The following COQ10B variants were observed in gnomAD, a reference collection of about 807,000 sequenced individuals.
COQ10B encodes the protein coenzyme Q-binding protein COQ10 homolog B, mitochondrial.
In COQ10B, 12 loss-of-function variants were observed where a neutral mutation model predicts 27.6. That is an observed-to-expected ratio of 0.43 (90% CI 0.28 to 0.70). COQ10B has a LOEUF of 0.70. Among genes scored for constraint, COQ10B ranks in the 30% least tolerant of loss-of-function variants. The pLI, the probability that COQ10B is intolerant of heterozygous loss-of-function variation, is 0.17. For missense variants in COQ10B, 278 were observed against 288.7 expected (o/e 0.96, Z 0.27); for synonymous variants, 115 against 103.0 (o/e 1.12, Z -0.71).
intron 2 of COQ10B, 101 bp downstream of exon 2, chr2:197,460,182 A>AAGCTCTCTTTT (rs1362139229): frequency 5.1e-6 from 4 of 782,726 alleles, no homozygotes; most frequent in African/African-American, 1.9e-5. Context: ...CTTACAGACT[A>AAGCTCTCTTTT]AGCTCTCTTT....
At chr2:197,469,590 T>C (rs1333645790) in intron 3 of COQ10B, among the ~76,000 whole-genome samples, 2 of 152,196 alleles carry the variant, frequency 1.3e-5, no homozygotes, top group Non-Finnish European at 2.9e-5. Context: ...GGAAAGACTA[T>C]ACGTGATTAA....
At chr2:197,464,437 GTGCAGCTA>G (rs1320679966) in intron 3 of COQ10B, among the ~76,000 whole-genome samples, 4 of 152,024 alleles carry the variant, frequency 2.6e-5, no homozygotes, top group Non-Finnish European at 1.5e-5. Flanking sequence ...GCTCTTTCTG[GTGCAGCTA>G]GAAAGAAAGA....
rs141467425 is a variant in COQ10B at position 197,473,890 on chromosome 2, G to A, written c.683G>A (p.Arg228Gln). The change falls in exon 5 of 5, where the codon CGG becomes CAG. Residue 228 changes from arginine to glutamine, a missense_variant. Transcript: ENST00000263960. The part of the protein sequence containing the change: ...KLYGPETNIP[R>Q]ELMLHEVHHT ...TATGGTCCAGAAACAAATATACCTCGGGAGTTAATGCTTCATGAAGTCCAT... is the reference window on the plus strand; with the variant it reads ...TATGGTCCAGAAACAAATATACCTCAGGAGTTAATGCTTCATGAAGTCCAT... 2.3e-5 allele frequency: 37 copies of A among 1,580,200 alleles called. No homozygotes were observed. In the African/African-American group the frequency reaches 3.0e-4, roughly 13 times the overall value.
At chr2:197,464,024 CACATACAT>C (rs1382952862) in intron 3 of COQ10B, among the ~76,000 whole-genome samples, 1 of 110,002 alleles carries the variant, frequency 9.1e-6, no homozygotes, top group Non-Finnish European at 1.8e-5. Context: ...CACACACACA[CACATACAT>C]ACACACACAT....
intron 4 of COQ10B, among the ~76,000 whole-genome samples, chr2:197,473,236 C>G (rs1372570308): frequency 2.6e-5 from 4 of 151,196 alleles, no homozygotes; most frequent in Admixed American, 6.6e-5. Flanking sequence ...ACACCACTGT[C>G]CTAAGTGGAG....
At chr2:197,466,677 A>G (rs2085827476) in intron 3 of COQ10B, among the ~76,000 whole-genome samples, 1 of 152,214 alleles carries the variant, frequency 6.6e-6, no homozygotes, top group Non-Finnish European at 1.5e-5. Context: ...GATAAACTGT[A>G]TTAGAAAAAA....
intron 3 of COQ10B, among the ~76,000 whole-genome samples, chr2:197,469,218 G>A (rs1410960341): frequency 1.3e-5 from 2 of 151,496 alleles, no homozygotes; most frequent in African/African-American, 4.9e-5. Context: ...AATTTTTTTC[G>A]AAGAGACAGG....
chr2:197,465,381 C>T (rs1211135757), intron 3 of COQ10B, among the ~76,000 whole-genome samples: 2 of 151,700 alleles, frequency 1.3e-5, no homozygotes, highest in Non-Finnish European at 2.9e-5. Flanking sequence ...CCTCTGCCTC[C>T]CGGATTCAAG....
At chr2:197,468,957 TG>T (rs1330674512) in intron 3 of COQ10B, among the ~76,000 whole-genome samples, 1 of 152,206 alleles carries the variant, frequency 6.6e-6, no homozygotes, top group Non-Finnish European at 1.5e-5. Flanking sequence ...CTAGTAACTA[TG>T]GTTCTGGTTA....
At chr2:197,454,942 A>G (rs2085680482) in intron 1 of COQ10B, among the ~76,000 whole-genome samples, 1 of 152,132 alleles carries the variant, frequency 6.6e-6, no homozygotes, top group Admixed American at 6.6e-5. Context: ...AACTGTATAT[A>G]TGAATGTGTG....
At chr2:197,461,691 C>T (rs1274603080) in intron 2 of COQ10B, among the ~76,000 whole-genome samples, 1 of 151,374 alleles carries the variant, frequency 6.6e-6, no homozygotes, top group Non-Finnish European at 1.5e-5. Flanking sequence ...CTCTATAGCC[C>T]AGGCTGTGGC....
At chr2:197,473,512 A>G (rs569630720) in intron 4 of COQ10B, among the ~76,000 whole-genome samples, 6 of 144,046 alleles carry the variant, frequency 4.2e-5, no homozygotes, top group Non-Finnish European at 7.5e-5. Flanking sequence ...ATATACGTAT[A>G]TATATACACA....
At chr2:197,471,498 CT>C (rs2085876925) in intron 4 of COQ10B, among the ~76,000 whole-genome samples, 2 of 152,112 alleles carry the variant, frequency 1.3e-5, no homozygotes, top group Admixed American at 1.3e-4. Flanking sequence ...CAATTTGTGG[CT>C]TTTTCTTTGC....
At chr2:197,469,732 C>T (rs565406528) in intron 3 of COQ10B, among the ~76,000 whole-genome samples, 2 of 152,272 alleles carry the variant, frequency 1.3e-5, no homozygotes, top group East Asian at 3.9e-4. Context: ...AACTTGTTCA[C>T]GATCACTTAT....
intron 3 of COQ10B, among the ~76,000 whole-genome samples, chr2:197,465,849 G>A (rs1415338068): frequency 6.6e-6 from 1 of 152,106 alleles, no homozygotes; most frequent in Non-Finnish European, 1.5e-5. Context: ...ACTTTGGGAG[G>A]CTGAGGCCGA....
At chr2:197,469,141 C>A (rs1369288282) in intron 3 of COQ10B, among the ~76,000 whole-genome samples, 2 of 152,130 alleles carry the variant, frequency 1.3e-5, no homozygotes, top group Non-Finnish European at 2.9e-5. Flanking sequence ...CTCAAGCAGT[C>A]CCCTCACCTC....
intron 1 of COQ10B, among the ~76,000 whole-genome samples, chr2:197,458,703 C>T (rs548134884): frequency 7.8e-5 from 11 of 141,678 alleles, no homozygotes; most frequent in South Asian, 4.4e-4. Flanking sequence ...TTTTTTGAGA[C>T]GGAGTCTCAT....
At chr2:197,465,934 A>G (rs2085820424) in intron 3 of COQ10B, among the ~76,000 whole-genome samples, 1 of 152,070 alleles carries the variant, frequency 6.6e-6, no homozygotes, top group Non-Finnish European at 1.5e-5. Context: ...TCTACTAAAA[A>G]TACAAAACTT....
intron 3 of COQ10B, among the ~76,000 whole-genome samples, chr2:197,465,083 C>T (rs946789705): frequency 2.0e-5 from 3 of 151,870 alleles, no homozygotes; most frequent in African/African-American, 7.3e-5. Context: ...GACAGGGTTT[C>T]ACCGTGTTAA....
Sources: gnomAD v4.1 joint callset for allele counts (sites outside exome capture counted in the v4.1 genomes callset) on GRCh38, gnomAD v4.1.1 for gene constraint, MANE v1.5 for transcripts, NCBI Gene and HGNC (gene_info 2026-07-23, HGNC 2026-07-21) for gene names.